The following TANGO6 variants were observed in gnomAD, a reference collection of about 807,000 sequenced individuals.
TANGO6 encodes transport and golgi organization 6 homolog.
In TANGO6, 90 loss-of-function variants were observed where a neutral mutation model predicts 114.2. That is an observed-to-expected ratio of 0.79 (90% CI 0.66 to 0.94). TANGO6 has a LOEUF of 0.94. Ranked by LOEUF, TANGO6 falls within the 40% of genes least tolerant of loss-of-function variation. The pLI is 0.00. For synonymous variants in TANGO6, 477 were observed against 509.8 expected (o/e 0.94, Z 0.87); for missense variants, 1,274 against 1,315.3 (o/e 0.97, Z 0.49).
intron 13 of TANGO6, among the ~76,000 whole-genome samples, chr16:68,928,514 A>G (rs1412842478): frequency 6.6e-6 from 1 of 151,848 alleles, no homozygotes; most frequent in African/African-American, 2.4e-5. Context: ...GTTAGCCAGG[A>G]TGGTCTCGAT....
At chr16:68,901,779 C>T (rs1962788833) in intron 8 of TANGO6, among the ~76,000 whole-genome samples, 1 of 152,160 alleles carries the variant, frequency 6.6e-6, no homozygotes, top group Non-Finnish European at 1.5e-5. Context: ...TGAGCCACCG[C>T]ACCTGGCCTC....
chr16:68,864,747 C>T (rs1962151087), intron 3 of TANGO6, among the ~76,000 whole-genome samples: 1 of 152,132 alleles, frequency 6.6e-6, no homozygotes, highest in African/African-American at 2.4e-5. Context: ...TGGCATTCAA[C>T]CCCCGTGTGC....
intron 14 of TANGO6, among the ~76,000 whole-genome samples, chr16:68,966,337 C>G (rs2152210621): frequency 6.6e-6 from 1 of 152,162 alleles, no homozygotes; most frequent in Admixed American, 6.5e-5. Context: ...AACCCCATCT[C>G]TACTAAAATA....
rs182014016 is a variant in TANGO6, at chr16:69,032,706, G to A, written c.2995-7602G>A. On this transcript the variant is annotated intron_variant, in intron 16 of 17. Transcript: ENST00000261778. ...AGCCTAGCCAAGATGGTGAAACCCC[G>A]TCTCTACTAAAAATACAAAAAATTA... Among the ~76,000 whole-genome samples the A allele has an allele frequency of 5.3e-3, 803 of 151,982 alleles. 11 individuals are homozygous for A. The Middle Eastern group carries it at 0.085, about 16-fold the overall frequency.
chr16:69,074,230 CAAAT>C (rs1418147341), intron 17 of TANGO6, among the ~76,000 whole-genome samples: 2 of 151,946 alleles, frequency 1.3e-5, no homozygotes, highest in Non-Finnish European at 2.9e-5. Context: ...CTAGGGAAAA[CAAAT>C]AACAACAACA....
rs534245728 is a variant in TANGO6 at position 68,942,451 on chromosome 16, G to A, written c.2701+12156G>A. On this transcript the variant is annotated intron_variant, in intron 14 of 17. Transcript: ENST00000261778. ...AAAATGTAAAGTCTTTTTCTTTACC[G>A]AAAAGGTAAAGAAAAACCTCTTACA... 4.6e-5 allele frequency among the ~76,000 whole-genome samples: 7 copies of A among 152,050 alleles called. No individual in the cohort carries two copies. In the South Asian group the frequency reaches 8.3e-4, roughly 18 times the overall value.
At position 68,928,099 on chromosome 16, in the gene TANGO6, T is replaced by C. The variant is rs1184952437; in HGVS notation, c.2643+16T>C. 1.3e-6 allele frequency: 2 copies of C among 1,551,388 alleles called. No homozygotes were observed. The highest frequency in any genetic ancestry group is 1.7e-6 in the Non-Finnish European group (2 of 1,148,598). ...GCTTCTCAAGGTGAGTAGAACACAC[T>C]GTAAAGACACATGGGCACAGGGTGG... On this transcript the variant is annotated intron_variant, in intron 13 of 17. Coordinates refer to ENST00000261778, the MANE Select transcript of TANGO6 (RefSeq NM_024562.2).
intron 17 of TANGO6, among the ~76,000 whole-genome samples, chr16:69,080,290 AG>A (rs751462022): frequency 7.9e-5 from 12 of 152,124 alleles, no homozygotes; most frequent in Non-Finnish European, 1.6e-4. Flanking sequence ...TAAAAAGGTA[AG>A]GGAAGGCTGG....
At chr16:69,031,837 T>C (rs1959598633) in intron 16 of TANGO6, among the ~76,000 whole-genome samples, 2 of 151,566 alleles carry the variant, frequency 1.3e-5, no homozygotes. Context: ...TTTTTTGTAT[T>C]GTTTTAGTAG....
intron 11 of TANGO6, among the ~76,000 whole-genome samples, chr16:68,914,820 G>A (rs527802751): frequency 6.6e-6 from 1 of 151,928 alleles, no homozygotes; most frequent in South Asian, 2.1e-4. Flanking sequence ...TGGCAGAAAG[G>A]CTACTTCATA....
At chr16:68,974,591 G>A (rs1963742695) in intron 15 of TANGO6, among the ~76,000 whole-genome samples, 1 of 152,142 alleles carries the variant, frequency 6.6e-6, no homozygotes, top group Non-Finnish European at 1.5e-5. Context: ...AACCTGGGAG[G>A]CAGAGGTTGT....
chr16:69,072,120 A>C (rs1960306073), intron 17 of TANGO6, among the ~76,000 whole-genome samples: 1 of 96,996 alleles, frequency 1.0e-5, no homozygotes, highest in Admixed American at 1.0e-4. Context: ...AGAGAGGGAG[A>C]CCGTGTGTGT....
intron 13 of TANGO6, among the ~76,000 whole-genome samples, chr16:68,928,843 G>A (rs1037685130): frequency 6.6e-6 from 1 of 152,180 alleles, no homozygotes. Flanking sequence ...GGCATCTTTA[G>A]TGGGGCGTTG....
intron 7 of TANGO6, among the ~76,000 whole-genome samples, chr16:68,895,317 C>T (rs1962690297): frequency 6.6e-6 from 1 of 152,088 alleles, no homozygotes; most frequent in Non-Finnish European, 1.5e-5. Context: ...CCACTGCACT[C>T]CAGCCTGGAC....
intron 17 of TANGO6, among the ~76,000 whole-genome samples, chr16:69,041,173 T>C (rs1435170424): frequency 6.6e-6 from 1 of 151,938 alleles, no homozygotes; most frequent in East Asian, 1.9e-4. Flanking sequence ...TAGGCCAGGC[T>C]CGGTGGCTCA....
intron 14 of TANGO6, among the ~76,000 whole-genome samples, chr16:68,947,732 C>T (rs368235370): frequency 1.1e-3 from 127 of 111,666 alleles, no homozygotes; most frequent in Non-Finnish European, 1.7e-3. Context: ...GCTGGGACTA[C>T]AGGCACACAC....
intron 14 of TANGO6, among the ~76,000 whole-genome samples, chr16:68,948,024 GATAT>G (rs112762612): frequency 6.8e-6 from 1 of 147,648 alleles, no homozygotes; most frequent in East Asian, 2.0e-4. Context: ...CAGTGCAGCT[GATAT>G]ATATATATAT....
At chr16:68,898,581 C>T (rs1962739074) in intron 7 of TANGO6, among the ~76,000 whole-genome samples, 1 of 152,054 alleles carries the variant, frequency 6.6e-6, no homozygotes, top group African/African-American at 2.4e-5. Flanking sequence ...CTCAAGTGAT[C>T]CTCCCTCCTT....
chr16:69,049,655 C>T (rs764654645), intron 17 of TANGO6, among the ~76,000 whole-genome samples: 1 of 152,018 alleles, frequency 6.6e-6, no homozygotes, highest in Non-Finnish European at 1.5e-5. Context: ...TGGTCTTGAA[C>T]TCCTGACTTA....
Sources: allele counts gnomAD v4.1 joint callset (sites outside exome capture counted in the v4.1 genomes callset), GRCh38; gene constraint gnomAD v4.1.1; transcripts MANE v1.5; gene names NCBI Gene and HGNC (gene_info 2026-07-23, HGNC 2026-07-21).